The following NHLRC3 variants were observed in gnomAD, a reference collection of about 807,000 sequenced individuals.
NHLRC3 encodes NHL repeat-containing protein 3.
NHLRC3 carries 23 observed loss-of-function variants against 32.0 expected under a neutral mutation model. That is an observed-to-expected ratio of 0.72 (90% CI 0.52 to 1.02). The LOEUF is 1.02. Ranked by LOEUF, NHLRC3 falls within the 50% of genes least tolerant of loss-of-function variation. The pLI is 0.00. For missense variants in NHLRC3, 407 were observed against 406.8 expected (o/e 1.00, Z -0.01); for synonymous variants, 159 against 147.9 (o/e 1.08, Z -0.55).
At position 39,039,175 on chromosome 13, in the gene NHLRC3, G is replaced by C; in HGVS notation, c.124G>C (p.Glu42Gln). The stretch of plus-strand genomic sequence containing the variant: ...TACTTTTGCAGTTTCCTGGAGAACT[G>C]AGAAAATTCTTTACCGGCTGGATGT... ...NFTFAVSWRT[E>Q]KILYRLDVGW... The change falls in exon 2 of 7, where the codon GAG becomes CAG. Residue 42 changes from glutamate (E) to glutamine (Q), a missense_variant. Physicochemically the swap from Glu to Gln is conservative, Grantham distance 29. Transcript: ENST00000379600. The C allele has an allele frequency of 1.2e-6, 2 of 1,612,916 alleles. No homozygotes were observed. The highest frequency in any genetic ancestry group is 1.7e-6 in the Non-Finnish European group (2 of 1,179,776).
At position 39,049,893 on chromosome 13, in the gene NHLRC3, CTT is replaced by C. The variant is rs1467125735; in HGVS notation, c.*1968_*1969del. 6.6e-6 allele frequency: 1 copy of C among 152,200 alleles called. No individual in the cohort carries two copies. The highest frequency in any genetic ancestry group is 2.4e-5 in the African/African-American group (1 of 41,464). 9.4% of individuals were successfully genotyped at this position (152,200 alleles called of 1,614,324 possible). A position where few individuals can be genotyped will look rare whatever the true frequency, so the allele number is the denominator to read the frequency against. ...ATTTTACTTTGTTTTATATCAGAGTCTTATAAAACCTGCTGCAAATATTTCTG... is the reference window on the plus strand; with the variant it reads ...ATTTTACTTTGTTTTATATCAGAGTCATAAAACCTGCTGCAAATATTTCTG... On this transcript the variant is annotated 3_prime_UTR_variant, in exon 7 of 7. Transcript: ENST00000379600.
At position 39,044,144 on chromosome 13, in the gene NHLRC3, ACATACCTCACAGT is replaced by A; in HGVS notation, c.642_654del (p.Asn214LysfsTer31). On this transcript the variant is annotated frameshift_variant, in exon 5 of 7. Transcript: ENST00000379600. LOFTEE classifies it high-confidence loss of function. ...AATGGGACAGGGCCTGCTAAGTTCA[ACATACCTCACAGT>A]GTTACACTTGATTCAGCTGGTCGGG... The A allele has an allele frequency of 1.2e-6, 2 of 1,613,798 alleles. No homozygotes were observed. Among genetic ancestry groups the A allele is most frequent in the Non-Finnish European group, 1.7e-6 (2 of 1,179,682 alleles).
Position 39,047,774 on chromosome 13 carries a change from G to C in NHLRC3, c.892G>C (p.Val298Leu), listed in dbSNP as rs1434444557. The C allele has an allele frequency of 1.2e-6, 2 of 1,614,032 alleles. No homozygotes were observed. Among genetic ancestry groups the C allele is most frequent in the Non-Finnish European group, 1.7e-6 (2 of 1,180,034 alleles). Residue 298 changes from valine (V) to leucine (L), a missense_variant, in exon 7 of 7, where the codon GTG (valine) becomes CTG (leucine). By Grantham distance (32) the Val-to-Leu change is conservative. Transcript: ENST00000379600. ...AGTGGGAAGCATTGGGGAGTGTTCTGTGATCAGCACAATCCAACTAGCAGA... is the reference window on the plus strand; with the variant it reads ...AGTGGGAAGCATTGGGGAGTGTTCTCTGATCAGCACAATCCAACTAGCAGA... ...PPVGSIGECS[V>L]ISTIQLADQV...
intron 6 of NHLRC3, 130 bp from the exon 7 acceptor site, chr13:39,047,544 C>A (rs1871726912): frequency 4.6e-6 from 3 of 658,532 alleles, no homozygotes; most frequent in South Asian, 4.5e-5. Flanking sequence ...AATTAAAATT[C>A]TTCTTAAAAG....
intron 5 of NHLRC3, among the ~76,000 whole-genome samples, chr13:39,045,606 T>C (rs996443097): frequency 6.6e-6 from 1 of 152,224 alleles, no homozygotes; most frequent in Admixed American, 6.5e-5. Flanking sequence ...TCAAAATTCA[T>C]TGAGTGTTGA....
At position 39,039,219 on chromosome 13, in the gene NHLRC3, A is replaced by C. The variant is rs753667255; in HGVS notation, c.168A>C (p.Pro56=). 1 of 1,613,966 alleles carries C rather than the reference A, an allele frequency of 6.2e-7. No individual in the cohort carries two copies. Among genetic ancestry groups the C allele is most frequent in the Non-Finnish European group, 8.5e-7 (1 of 1,179,916 alleles). Residue 56 remains proline, a synonymous_variant, in exon 2 of 7, where the codon CCA becomes CCC. Coordinates refer to ENST00000379600, the MANE Select transcript of NHLRC3 (RefSeq NM_001012754.4). ...YRLDVGWPKH[P]EYFTGTTFCV... ...TGGATGTGGGTTGGCCTAAGCACCC[A>C]GAATATTTTACCGGAACAACATTTT...
rs779987209 is a variant in NHLRC3, at chr13:39,039,287, A to AT, written c.236_237insT (p.Gln79HisfsTer5). The AT allele has an allele frequency of 1.2e-6, 2 of 1,610,130 alleles. No homozygotes were observed. Among genetic ancestry groups the AT allele is most frequent in the South Asian group, 2.2e-5 (2 of 90,554 alleles). On this transcript the variant is annotated frameshift_variant and splice_region_variant, in exon 2 of 7. Coordinates refer to ENST00000379600, the MANE Select transcript of NHLRC3 (RefSeq NM_001012754.4). LOFTEE classifies it high-confidence loss of function. Reference sequence around the variant, plus strand: ...CTCAATGGATTGGTTTACATAGGTCAAGTAAGTAAATAGAGATTTAAAAAA... The same window carrying AT: ...CTCAATGGATTGGTTTACATAGGTCATAGTAAGTAAATAGAGATTTAAAAAA...
intron 5 of NHLRC3, 117 bp downstream of exon 5, chr13:39,044,298 C>T: frequency 1.3e-6 from 1 of 757,722 alleles, no homozygotes; most frequent in Non-Finnish European, 2.3e-6. Context: ...TTGTGGTATA[C>T]ATGTGTGTCT....
intron 5 of NHLRC3, 27 bp from the exon 6 acceptor site, chr13:39,047,013 C>G (rs748449468): frequency 4.4e-6 from 6 of 1,353,356 alleles, no homozygotes; most frequent in Non-Finnish European, 6.3e-6. Flanking sequence ...GGATATTTTT[C>G]AATTGACATT....
At position 39,039,156 on chromosome 13, in the gene NHLRC3, T is replaced by C; in HGVS notation, c.105T>C (p.Phe35=). ...TTAAGGTTTTGAGGAACTTTACTTT[T>C]GCAGTTTCCTGGAGAACTGAGAAAA... ...CGSPVLRNFT[F]AVSWRTEKIL... The change falls in exon 2 of 7, where the codon TTT becomes TTC. Residue 35 remains phenylalanine (F), a synonymous_variant. Transcript: ENST00000379600. 2 of 1,613,914 alleles carry C rather than the reference T, an allele frequency of 1.2e-6. No individual in the cohort carries two copies. Among genetic ancestry groups the C allele is most frequent in the Non-Finnish European group, 1.7e-6 (2 of 1,179,910 alleles).
chr13:39,039,377 TATC>T, intron 2 of NHLRC3, 89 bp downstream of exon 2: 10 of 1,168,146 alleles, frequency 8.6e-6, no homozygotes, highest in Non-Finnish European at 1.2e-5. Flanking sequence ...TATGCGTTTA[TATC>T]ATGCTAATTG....
chr13:39,039,897 T>C (rs1362861793), intron 3 of NHLRC3, 186 bp downstream of exon 3: 4 of 461,372 alleles, frequency 8.7e-6, no homozygotes, highest in Admixed American at 3.5e-5. Context: ...TAACAAGGGC[T>C]GGACGCCGTG....
chr13:39,039,088 T>TAA, intron 1 of NHLRC3, 48 bp from the exon 2 acceptor site: 3 of 1,324,188 alleles, frequency 2.3e-6, no homozygotes, highest in Non-Finnish European at 3.2e-6. Context: ...CTTTTTTTGT[T>TAA]CTTACCTAGA....
chr13:39,038,769 C>T, intron 1 of NHLRC3, 46 bp downstream of exon 1: 1 of 1,494,074 alleles, frequency 6.7e-7, no homozygotes, highest in African/African-American at 1.4e-5. Flanking sequence ...GCGGGTAGCC[C>T]TGTTGGGAGG....
intron 4 of NHLRC3, among the ~76,000 whole-genome samples, 197 bp downstream of exon 4, chr13:39,042,502 C>A (rs917924801): frequency 1.3e-5 from 2 of 152,158 alleles, no homozygotes; most frequent in Non-Finnish European, 2.9e-5. Context: ...TTATTCTTCA[C>A]CAAAGGCCAG....
At position 39,039,586 on chromosome 13, in the gene NHLRC3, T is replaced by C. The variant is rs764024751; in HGVS notation, c.260T>C (p.Ile87Thr). The change falls in exon 3 of 7, where the codon ATA (isoleucine) becomes ACA (threonine). Residue 87 changes from isoleucine (I) to threonine (T), a missense_variant. Ile to Thr is a moderately conservative substitution (Grantham distance 89, BLOSUM62 -1). Transcript: ENST00000379600. ...IGQRGDNIPK[I>T]LVFTEDGYFL... ...CAGAGAGGGGATAACATCCCAAAGATATTAGTGTTCACAGAGGATGGATAT... is the reference window on the plus strand; with the variant it reads ...CAGAGAGGGGATAACATCCCAAAGACATTAGTGTTCACAGAGGATGGATAT... 5.0e-6 allele frequency: 8 copies of C among 1,612,312 alleles called. No homozygotes were observed. Among genetic ancestry groups the C allele is most frequent in the Non-Finnish European group, 5.1e-6 (6 of 1,178,370 alleles).
At position 39,038,814 on chromosome 13, in the gene NHLRC3, C is replaced by T. The variant is rs143116970; in HGVS notation, c.84+91C>T. ...GGTCGTGGCATGGAGGTGGCAGGCC[C>T]TGGTTCCCTCAGTAGCTTGTCTCAA... On this transcript the variant is annotated intron_variant, in intron 1 of 6. Transcript: ENST00000379600. The T allele has an allele frequency of 3.0e-3, 3,143 of 1,054,150 alleles. 48 individuals are homozygous for T. In the East Asian group the frequency reaches 0.036, roughly 12 times the overall value. The allele number at this position is 1,054,150 out of a possible 1,614,324, so 65.3% of individuals were successfully genotyped here.
In NHLRC3 at chr13:39,049,565, T is replaced by G. The variant is rs982372196; in HGVS notation, c.*1639T>G. The G allele has an allele frequency of 6.6e-6, 1 of 152,248 alleles. No individual in the cohort carries two copies. The highest frequency in any genetic ancestry group is 1.5e-5 in the Non-Finnish European group (1 of 68,032). 9.4% of individuals were successfully genotyped at this position (152,248 alleles called of 1,614,324 possible). On this transcript the variant is annotated 3_prime_UTR_variant, in exon 7 of 7. Transcript: ENST00000379600. ...GGCCCTTCTAAATGTGCTATTTATT[T>G]GACAATAACTATCAGATTTGCCTTA...
intron 2 of NHLRC3, 65 bp downstream of exon 2, chr13:39,039,353 G>A: frequency 7.4e-7 from 1 of 1,344,412 alleles, no homozygotes; most frequent in Non-Finnish European, 1.1e-6. Context: ...CTGTCTTGCT[G>A]TAGTAACTGA....
Sources: allele counts gnomAD v4.1 joint callset (sites outside exome capture counted in the v4.1 genomes callset), GRCh38; gene constraint gnomAD v4.1.1; transcripts MANE v1.5; gene names NCBI Gene and HGNC (gene_info 2026-07-23, HGNC 2026-07-21).